Variants in HCN1 observed in about 807,000 individuals in gnomAD.
HCN1 encodes the protein potassium/sodium hyperpolarization-activated cyclic nucleotide-gated channel 1.
HCN1 carries 13 observed loss-of-function variants against 78.9 expected under a neutral mutation model. The ratio of observed to expected loss-of-function variants is 0.16; its 90% CI spans 0.11 to 0.26. The LOEUF is 0.26. Ranked by LOEUF, HCN1 falls within the 10% of genes least tolerant of loss-of-function variation. The probability of loss-of-function intolerance (pLI) is 1.00; values close to 1 mark genes in which losing one functional copy is unlikely to be tolerated. For missense variants in HCN1, 810 were observed against 1,154.3 expected (o/e 0.70, Z 4.32); for synonymous variants, 552 against 455.5 (o/e 1.21, Z -2.70).
At chr5:45,347,419 A>G (rs1478980504) in intron 5 of HCN1, among the ~76,000 whole-genome samples, 1 of 152,196 alleles carries the variant, frequency 6.6e-6, no homozygotes, top group Non-Finnish European at 1.5e-5. Context: ...GATGGGGAAA[A>G]AACAGCAGAA....
intron 5 of HCN1, among the ~76,000 whole-genome samples, chr5:45,305,520 T>A (rs1249787477): frequency 6.6e-6 from 1 of 152,096 alleles, no homozygotes; most frequent in Non-Finnish European, 1.5e-5. Flanking sequence ...CAAATCAAAA[T>A]ACACACTTGA....
chr5:45,347,593 A>T (rs1410520925), intron 5 of HCN1, among the ~76,000 whole-genome samples: 1 of 152,158 alleles, frequency 6.6e-6, no homozygotes, highest in African/African-American at 2.4e-5. Flanking sequence ...TTCAAACCAA[A>T]GGCAAAGAAG....
chr5:45,346,671 C>G (rs1437498443), intron 5 of HCN1, among the ~76,000 whole-genome samples: 2 of 152,310 alleles, frequency 1.3e-5, no homozygotes, highest in East Asian at 3.9e-4. Context: ...TAATACTGCG[C>G]TTTTCTGATG....
At chr5:45,337,556 TATTA>T in intron 5 of HCN1, among the ~76,000 whole-genome samples, 1 of 152,264 alleles carries the variant, frequency 6.6e-6, no homozygotes, top group South Asian at 2.1e-4. Flanking sequence ...ATTGTGTACT[TATTA>T]ATTTTTTCCA....
chr5:45,473,794 C>T (rs1185710233), intron 2 of HCN1, among the ~76,000 whole-genome samples: 1 of 151,808 alleles, frequency 6.6e-6, no homozygotes, highest in Non-Finnish European at 1.5e-5. Flanking sequence ...ATCTTCTTCA[C>T]TTTTTATCAT....
chr5:45,274,717 C>T (rs773105909), intron 6 of HCN1, among the ~76,000 whole-genome samples: 6 of 152,166 alleles, frequency 3.9e-5, no homozygotes, highest in Non-Finnish European at 8.8e-5. Context: ...ATCTCATAAA[C>T]AATTTGTTCA....
At chr5:45,654,233 G>A (rs768474601) in intron 1 of HCN1, among the ~76,000 whole-genome samples, 7 of 151,954 alleles carry the variant, frequency 4.6e-5, no homozygotes, top group East Asian at 1.9e-4. Flanking sequence ...GATACAGACC[G>A]GAGCAGAACT....
chr5:45,299,472 T>C (rs1320962110), intron 6 of HCN1, among the ~76,000 whole-genome samples: 1 of 151,896 alleles, frequency 6.6e-6, no homozygotes, highest in Non-Finnish European at 1.5e-5. Flanking sequence ...CATCTGGGGA[T>C]TTTTTTCAAC....
intron 2 of HCN1, among the ~76,000 whole-genome samples, chr5:45,566,820 T>C (rs1277067668): frequency 2.0e-5 from 3 of 152,186 alleles, no homozygotes; most frequent in Non-Finnish European, 4.4e-5. Context: ...AGAACTCTCA[T>C]ATGGTTTCTT....
chr5:45,459,697 T>C (rs950330075), intron 3 of HCN1, among the ~76,000 whole-genome samples: 1 of 152,142 alleles, frequency 6.6e-6, no homozygotes, highest in African/African-American at 2.4e-5. Context: ...TATTTTACTA[T>C]ATCTATGATG....
chr5:45,589,206 G>A (rs1191906969), intron 2 of HCN1, among the ~76,000 whole-genome samples: 2 of 152,200 alleles, frequency 1.3e-5, no homozygotes, highest in Non-Finnish European at 2.9e-5. Flanking sequence ...ATAATACACT[G>A]TGTGAGTAGG....
At chr5:45,412,060 G>T (rs1740035711) in intron 3 of HCN1, among the ~76,000 whole-genome samples, 1 of 152,078 alleles carries the variant, frequency 6.6e-6, no homozygotes, top group African/African-American at 2.4e-5. Context: ...ATGGCTTACT[G>T]ACAAAGCAAG....
At chr5:45,656,723 A>C (rs1487839763) in intron 1 of HCN1, among the ~76,000 whole-genome samples, 2 of 152,204 alleles carry the variant, frequency 1.3e-5, no homozygotes, top group Non-Finnish European at 2.9e-5. Context: ...ACAGCCAAGA[A>C]TGTGATCAAA....
chr5:45,423,529 A>G (rs1471315696), intron 3 of HCN1, among the ~76,000 whole-genome samples: 1 of 152,228 alleles, frequency 6.6e-6, no homozygotes, highest in East Asian at 1.9e-4. Context: ...TGTTCACTAC[A>G]TTCTACATGT....
chr5:45,540,679 A>C (rs1406907526), intron 2 of HCN1, among the ~76,000 whole-genome samples: 1 of 152,046 alleles, frequency 6.6e-6, no homozygotes, highest in Non-Finnish European at 1.5e-5. Flanking sequence ...TGTTATTTCC[A>C]TGTATTTCAT....
At chr5:45,309,501 T>C (rs1477752194) in intron 5 of HCN1, among the ~76,000 whole-genome samples, 1 of 152,142 alleles carries the variant, frequency 6.6e-6, no homozygotes, top group Non-Finnish European at 1.5e-5. Flanking sequence ...TAGCCGTGGG[T>C]TTGTCATATA....
chr5:45,625,563 T>C (rs1006355842), intron 2 of HCN1, among the ~76,000 whole-genome samples: 2 of 152,044 alleles, frequency 1.3e-5, no homozygotes, highest in African/African-American at 2.4e-5. Context: ...CTCTAATTTA[T>C]ATTTTAACCT....
At chr5:45,305,158 G>C (rs1257987589) in intron 5 of HCN1, among the ~76,000 whole-genome samples, 1 of 152,136 alleles carries the variant, frequency 6.6e-6, no homozygotes, top group Non-Finnish European at 1.5e-5. Context: ...AACAGAGTCT[G>C]AGAACTCTAT....
In HCN1 at chr5:45,525,012, ATTATT is replaced by A. The variant is rs1456082369; in HGVS notation, c.850-63010_850-63006del. Among the ~76,000 whole-genome samples, 4 of 152,182 alleles carry A rather than the reference ATTATT, an allele frequency of 2.6e-5. No individual in the cohort carries two copies. The East Asian group carries it at 7.8e-4, about 30-fold the overall frequency. On this transcript the variant is annotated intron_variant, in intron 2 of 7. Coordinates refer to ENST00000303230, the MANE Select transcript of HCN1 (RefSeq NM_021072.4). ...TGTGGGTTTGTCATAAATAGCTCTT[ATTATT>A]TTGAGATACGTCCCATCAATACCTA...
Sources: gnomAD v4.1 joint callset for allele counts (sites outside exome capture counted in the v4.1 genomes callset) on GRCh38, gnomAD v4.1.1 for gene constraint, MANE v1.5 for transcripts, NCBI Gene and HGNC (gene_info 2026-07-23, HGNC 2026-07-21) for gene names.